Variants in SCAMP3 observed in about 807,000 individuals in gnomAD.
SCAMP3 encodes the protein secretory carrier membrane protein 3.
Under a neutral mutation model 44.1 loss-of-function variants are expected in SCAMP3, and 30 were observed. The observed-to-expected ratio is 0.68, with a 90% CI of 0.51 to 0.92. The LOEUF is 0.92. Among genes scored for constraint, SCAMP3 ranks in the 40% least tolerant of loss-of-function variants. The pLI is 0.00. For missense variants in SCAMP3, 394 were observed against 440.0 expected, an observed-to-expected ratio of 0.90 and a Z score of 0.93; for synonymous variants, 168 against 171.1, an observed-to-expected ratio of 0.98 and a Z score of 0.14.
chr1:155,258,805 A>T (rs1672876870), intron 5 of SCAMP3, 21 bp downstream of exon 5: 8 of 1,591,368 alleles, frequency 5.0e-6, no homozygotes, highest in South Asian at 2.3e-5. Flanking sequence ...AACTTCCTCC[A>T]AAAGGCTTCT....
intron 4 of SCAMP3, 69 bp downstream of exon 4, chr1:155,260,261 C>T: frequency 6.3e-7 from 1 of 1,586,908 alleles, no homozygotes; most frequent in Non-Finnish European, 8.5e-7. Context: ...CCCAGCCGAG[C>T]CCAGGCCCTT....
chr1:155,257,650 C>G lies in SCAMP3; in HGVS notation c.525G>C (p.Thr175=), dbSNP rs750470397. The change falls in exon 6 of 9, where the codon ACG becomes ACC. Residue 175 remains threonine (T), a synonymous_variant. Transcript: ENST00000302631. ...CGAGGAAGTTCAGGAGAAGAGCCAG[C>G]GTGCTGCCTAAGGGGCAGAGGGACA... The part of the protein sequence containing the change: ...STMYYLWMCS[T]LALLLNFLAC... The G allele has an allele frequency of 4.5e-6, 7 of 1,558,372 alleles. No individual in the cohort carries two copies. The highest frequency in any genetic ancestry group is 5.2e-6 in the Non-Finnish European group (6 of 1,150,682).
At chr1:155,261,172 C>T (rs1490431152) in intron 2 of SCAMP3, 1 of 171,918 alleles carries the variant, frequency 5.8e-6, no homozygotes, top group African/African-American at 2.4e-5. Flanking sequence ...CTCAAGCAAT[C>T]CTCCCACCTC....
intron 1 of SCAMP3, 21 bp downstream of exon 1, chr1:155,262,065 A>G: frequency 1.2e-6 from 2 of 1,612,448 alleles, no homozygotes; most frequent in South Asian, 1.1e-5. Flanking sequence ...CGCCCAAAAG[A>G]GGCCGACTGG....
intron 2 of SCAMP3, 59 bp downstream of exon 2, chr1:155,261,598 A>C: frequency 6.7e-7 from 1 of 1,483,930 alleles, no homozygotes; most frequent in South Asian, 1.1e-5. Context: ...ACCCAAGCTA[A>C]CTTGTCTCAC....
chr1:155,261,832 C>T, intron 1 of SCAMP3, 98 bp from the exon 2 acceptor site: 1 of 1,139,586 alleles, frequency 8.8e-7, no homozygotes, highest in South Asian at 1.2e-5. Flanking sequence ...AGTACTGCAC[C>T]TTCGGGGCCA....
chr1:155,258,119 C>T (rs577156699), intron 5 of SCAMP3, among the ~76,000 whole-genome samples: 104 of 149,222 alleles, frequency 7.0e-4, no homozygotes, highest in African/African-American at 2.4e-3. Context: ...CCTGGGTTCA[C>T]GCCCATTCTC....
At position 155,258,890 on chromosome 1, in the gene SCAMP3, G is replaced by A. The variant is rs1672880078; in HGVS notation, c.453C>T (p.Asp151=). 3 of 1,613,324 alleles carry A rather than the reference G, an allele frequency of 1.9e-6. No homozygotes were observed. The African/African-American group carries it at 4.0e-5, about 22-fold the overall frequency. Residue 151 remains aspartate (D), a synonymous_variant, in exon 5 of 9, where the codon GAC becomes GAT. Transcript: ENST00000302631. ...ATTCTTGGGGGATCTCCATGGAGAT[G>A]TCCTGGAAAAAGCAGGGCTGAACTG... ...FCPVQPCFFQ[D]ISMEIPQEFQ... is the part of the protein sequence containing the mutation.
chr1:155,256,447 G>T (rs201406357), intron 8 of SCAMP3, 28 bp from the exon 9 acceptor site: 1 of 1,554,236 alleles, frequency 6.4e-7, no homozygotes, highest in East Asian at 2.3e-5. Flanking sequence ...AGACATTACC[G>T]CCCATTCCAG....
Position 155,262,277 on chromosome 1 carries a change from G to T in SCAMP3, c.-126C>A. On this transcript the variant is annotated 5_prime_UTR_variant, in exon 1 of 9. Transcript: ENST00000302631. ...GCCCCGCTTCTCTGTGCACGGATTGGTTCCACCGACCGGAAGGGCCACAAG... is the reference window on the plus strand; with the variant it reads ...GCCCCGCTTCTCTGTGCACGGATTGTTTCCACCGACCGGAAGGGCCACAAG... 2.3e-6 allele frequency: 2 copies of T among 860,086 alleles called. No individual in the cohort carries two copies. The highest frequency in any genetic ancestry group is 1.8e-6 in the Non-Finnish European group (1 of 565,230). 53.3% of individuals were successfully genotyped at this position (860,086 alleles called of 1,614,324 possible).
chr1:155,259,137 C>G (rs538208682), intron 4 of SCAMP3, among the ~76,000 whole-genome samples, 183 bp from the exon 5 acceptor site: 1 of 147,660 alleles, frequency 6.8e-6, no homozygotes, highest in Admixed American at 6.8e-5. Flanking sequence ...GCCTCAACCT[C>G]CTGGGCTCAA....
At chr1:155,261,368 A>T in intron 2 of SCAMP3, 1 of 444,580 alleles carries the variant, frequency 2.2e-6, no homozygotes. Context: ...AACCAGCCCC[A>T]ACCTTTATTT....
In SCAMP3 at chr1:155,260,613, G is replaced by A; in HGVS notation, c.191C>T (p.Pro64Leu). Residue 64 changes from proline to leucine, a missense_variant, in exon 3 of 9, where the codon CCC (proline) becomes CTC (leucine). Coordinates refer to ENST00000302631, the MANE Select transcript of SCAMP3 (RefSeq NM_005698.4). ...CGAGGGCTGCAAGGAGGGAGCTGAG[G>A]GTGGAGGCAATGGGGCAGGGGCTGG... The part of the protein sequence containing the change: ...EPPAPAPLPP[P>L]SAPSLQPSRK... 6.2e-7 allele frequency: 1 copy of A among 1,614,080 alleles called. No homozygotes were observed. Among genetic ancestry groups the A allele is most frequent in the Non-Finnish European group, 8.5e-7 (1 of 1,179,984 alleles).
Position 155,258,965 on chromosome 1 carries a change from C to CA in SCAMP3, c.389-12dup, listed in dbSNP as rs895432353. The CA allele has an allele frequency of 2.6e-6, 4 of 1,567,212 alleles. No individual in the cohort carries two copies. Among genetic ancestry groups the CA allele is most frequent in the South Asian group, 2.3e-5 (2 of 85,876 alleles). On this transcript the variant is annotated splice_polypyrimidine_tract_variant and intron_variant, in intron 4 of 8. Transcript: ENST00000302631. ...AATTGTTCTGTCGAGCTGTAAGGCA[C>CA]AAAAAAACAGGTGGACCCCAGAAGT... is the stretch of plus-strand genomic sequence containing the variant.
At position 155,257,369 on chromosome 1, in the gene SCAMP3, T is replaced by C. The variant is rs1402004795; in HGVS notation, c.695A>G (p.Asn232Ser). ...YKAFRSDSSFNFFVFFFIFFV... is the reference protein window; with the variant it reads ...YKAFRSDSSFSFFVFFFIFFV... Reference sequence around the variant, plus strand: ...GAAAATGAAGAAGAAAACGAAGAAATTGAATGAACTGTCACTCCTACAAAG... The same window carrying C: ...GAAAATGAAGAAGAAAACGAAGAAACTGAATGAACTGTCACTCCTACAAAG... The change falls in exon 7 of 9, where the codon AAT becomes AGT. Residue 232 changes from asparagine to serine, a missense_variant. Physicochemically the swap from Asn to Ser is conservative, Grantham distance 46. Transcript: ENST00000302631. 6.8e-6 allele frequency: 11 copies of C among 1,613,440 alleles called. No homozygotes were observed. The African/African-American group carries it at 1.3e-4, about 20-fold the overall frequency.
chr1:155,260,939 G>A (rs752087400), intron 2 of SCAMP3, among the ~76,000 whole-genome samples: 15 of 151,222 alleles, frequency 9.9e-5, no homozygotes, highest in Non-Finnish European at 1.8e-4. Flanking sequence ...TTTCTTCTGG[G>A]GATGGAGTGT....
At chr1:155,257,140 C>A in intron 7 of SCAMP3, 145 bp downstream of exon 7, 1 of 647,454 alleles carries the variant, frequency 1.5e-6, no homozygotes, top group Admixed American at 2.8e-5. Flanking sequence ...TGCGCTCTAT[C>A]CTGGAAGTAT....
In SCAMP3 at chr1:155,256,774, A is replaced by G. The variant is rs750344860; in HGVS notation, c.797T>C (p.Leu266Pro). Residue 266 changes from leucine to proline, a missense_variant, in exon 8 of 9, where the codon CTG becomes CCG. Transcript: ENST00000302631. ...GWGFSGWISA[L>P]VVPKGNTAVS... is the part of the protein sequence containing the mutation. Reference sequence around the variant, plus strand: ...TGCTGTGTTGCCCTTCGGCACCACCAGAGCAGAGATCCAGCCACTGTAAAG... The same window carrying G: ...TGCTGTGTTGCCCTTCGGCACCACCGGAGCAGAGATCCAGCCACTGTAAAG... 1.9e-6 allele frequency: 3 copies of G among 1,614,120 alleles called. No individual in the cohort carries two copies. Among genetic ancestry groups the G allele is most frequent in the Non-Finnish European group, 2.5e-6 (3 of 1,179,940 alleles).
rs34315387 is a variant in SCAMP3, at chr1:155,256,424, A to C, written c.898-5T>G. On this transcript the variant is annotated splice_region_variant and splice_polypyrimidine_tract_variant and intron_variant, in intron 8 of 8. Coordinates refer to ENST00000302631, the MANE Select transcript of SCAMP3 (RefSeq NM_005698.4). ...GCGGCGGTATAAGGAGTGGATCTGC[A>C]AGTAGAGGACAAAGACATTACCGCC... The C allele has an allele frequency of 6.4e-7, 1 of 1,574,594 alleles. No individual in the cohort carries two copies. The highest frequency in any genetic ancestry group is 8.6e-7 in the Non-Finnish European group (1 of 1,156,736).
Sources: gnomAD v4.1 joint callset for allele counts (sites outside exome capture counted in the v4.1 genomes callset) on GRCh38, gnomAD v4.1.1 for gene constraint, MANE v1.5 for transcripts, NCBI Gene and HGNC (gene_info 2026-07-23, HGNC 2026-07-21) for gene names.